ATP11A: variants seen among roughly 807,000 people sequenced by gnomAD.
ATP11A encodes ATPase phospholipid transporting 11A.
In ATP11A, 81 loss-of-function variants were observed where a neutral mutation model predicts 154.4. The observed-to-expected ratio is 0.52, with a 90% CI of 0.44 to 0.63. ATP11A has a LOEUF of 0.63. ATP11A is among the 30% of genes least tolerant of loss of function. The probability of loss-of-function intolerance (pLI) is 0.00; values close to 1 mark genes in which losing one functional copy is unlikely to be tolerated. For missense variants in ATP11A, 1,316 were observed against 1,474.3 expected, an observed-to-expected ratio of 0.89 and a Z score of 1.76; for synonymous variants, 623 against 585.9, an observed-to-expected ratio of 1.06 and a Z score of -0.91.
chr13:112,702,069 G>T (rs1886615807), intron 1 of ATP11A, among the ~76,000 whole-genome samples: 1 of 151,982 alleles, frequency 6.6e-6, no homozygotes, highest in South Asian at 2.1e-4. Flanking sequence ...AGTACAGCCT[G>T]GTGCGATGGG....
chr13:112,813,481 G>A (rs1483962655), intron 5 of ATP11A, among the ~76,000 whole-genome samples: 1 of 152,182 alleles, frequency 6.6e-6, no homozygotes, highest in Non-Finnish European at 1.5e-5. Flanking sequence ...TCCATGATGG[G>A]GGCGTACTGC....
Position 112,825,521 on chromosome 13 carries a change from C to T in ATP11A, c.964C>T (p.Pro322Ser), listed in dbSNP as rs1047705502. The T allele has an allele frequency of 1.9e-6, 3 of 1,613,768 alleles. No individual in the cohort carries two copies. The African/African-American group carries it at 4.0e-5, about 22-fold the overall frequency. ...GCTGAAATACATGTGGCAGAGTGAG[C>T]CCTTTCGGGATGAGCCGTGGTATAA... ...TVLKYMWQSE[P>S]FRDEPWYNQK... Residue 322 changes from proline (P) to serine (S), a missense_variant, in exon 11 of 30, where the codon CCC becomes TCC. Coordinates refer to ENST00000375645, the MANE Select transcript of ATP11A (RefSeq NM_015205.3).
intron 18 of ATP11A, among the ~76,000 whole-genome samples, chr13:112,853,753 C>T (rs2140333164): frequency 6.6e-6 from 1 of 152,306 alleles, no homozygotes; most frequent in South Asian, 2.1e-4. Flanking sequence ...CCCATGGCAC[C>T]TGTTGGCCAT....
Position 112,836,079 on chromosome 13 carries a change from G to T in ATP11A, c.1632-99G>T, listed in dbSNP as rs2079226630. The stretch of plus-strand genomic sequence containing the variant: ...GTGTGTCCCCTGAGGAAGGGCCAGG[G>T]CTGCCCCAGCCATTCTGCTGTGGAG... On this transcript the variant is annotated intron_variant, in intron 15 of 29. Coordinates refer to ENST00000375645, the MANE Select transcript of ATP11A (RefSeq NM_015205.3). 9 of 837,756 alleles carry T rather than the reference G, an allele frequency of 1.1e-5. No individual in the cohort carries two copies. In the East Asian group the frequency reaches 2.0e-4, roughly 19 times the overall value. The allele number at this position is 837,756 out of a possible 1,614,324, so 51.9% of individuals were successfully genotyped here.
chr13:112,762,879 C>T (rs2139886233), intron 1 of ATP11A, among the ~76,000 whole-genome samples: 1 of 152,380 alleles, frequency 6.6e-6, no homozygotes, highest in Non-Finnish European at 1.5e-5. Context: ...ACAGGCCTTC[C>T]TCGCCGTGCG....
intron 25 of ATP11A, among the ~76,000 whole-genome samples, chr13:112,863,066 A>G (rs1343830888): frequency 1.1e-3 from 133 of 122,050 alleles, no homozygotes; most frequent in African/African-American, 2.6e-3. Flanking sequence ...GCTTCCCAGC[A>G]GGGTCCATCA....
At chr13:112,854,145 CCA>C in intron 18 of ATP11A, 132 bp from the exon 19 acceptor site, 2 of 1,199,808 alleles carry the variant, frequency 1.7e-6, no homozygotes, top group Non-Finnish European at 2.3e-6. Context: ...AGATCATGAG[CCA>C]CAGTGTGGAG....
At chr13:112,823,224 C>T in intron 8 of ATP11A, 121 bp from the exon 9 acceptor site, 1 of 745,132 alleles carries the variant, frequency 1.3e-6, no homozygotes, top group Non-Finnish European at 2.4e-6. Context: ...TCCGTGTATG[C>T]CATCTCCTCT....
At chr13:112,765,728 G>T (rs1025280922) in intron 1 of ATP11A, among the ~76,000 whole-genome samples, 5 of 152,254 alleles carry the variant, frequency 3.3e-5, no homozygotes, top group African/African-American at 1.2e-4. Context: ...GTTAGTGTGG[G>T]GAAATGTCTC....
At chr13:112,726,141 G>C (rs1035409558) in intron 1 of ATP11A, among the ~76,000 whole-genome samples, 2 of 152,276 alleles carry the variant, frequency 1.3e-5, no homozygotes, top group Non-Finnish European at 2.9e-5. Flanking sequence ...CCGGGGATGG[G>C]GCACGGCGTG....
At chr13:112,872,271 C>G (rs774303377) in intron 26 of ATP11A, among the ~76,000 whole-genome samples, 3 of 152,156 alleles carry the variant, frequency 2.0e-5, no homozygotes, top group Non-Finnish European at 4.4e-5. Context: ...CAAAACATTC[C>G]TAAGGTGATT....
intron 1 of ATP11A, among the ~76,000 whole-genome samples, chr13:112,760,041 C>G (rs541835841): frequency 6.6e-6 from 1 of 152,136 alleles, no homozygotes; most frequent in Non-Finnish European, 1.5e-5. Flanking sequence ...GCAGATGCAG[C>G]TTGGGGCTTA....
intron 1 of ATP11A, among the ~76,000 whole-genome samples, chr13:112,780,621 G>C (rs894093834): frequency 6.6e-6 from 1 of 152,120 alleles, no homozygotes; most frequent in Admixed American, 6.5e-5. Context: ...TCCAGGAGTC[G>C]CTCGAGATGT....
At chr13:112,728,790 C>T (rs1394291894) in intron 1 of ATP11A, among the ~76,000 whole-genome samples, 2 of 151,978 alleles carry the variant, frequency 1.3e-5, no homozygotes, top group African/African-American at 2.4e-5. Flanking sequence ...TCCTCTTCTC[C>T]TTGTCTATCT....
chr13:112,759,876 C>T (rs2076925814), intron 1 of ATP11A, among the ~76,000 whole-genome samples: 4 of 152,124 alleles, frequency 2.6e-5, no homozygotes, highest in African/African-American at 9.7e-5. Flanking sequence ...AGGTTATTCG[C>T]ACAAGTTATG....
chr13:112,866,387 G>A (rs1325444312), intron 25 of ATP11A, among the ~76,000 whole-genome samples: 1 of 152,112 alleles, frequency 6.6e-6, no homozygotes, highest in Non-Finnish European at 1.5e-5. Context: ...CGGTTGCCAT[G>A]TCAGGGTGGC....
At chr13:112,763,662 T>C (rs2077011519) in intron 1 of ATP11A, among the ~76,000 whole-genome samples, 2 of 152,278 alleles carry the variant, frequency 1.3e-5, no homozygotes, top group South Asian at 4.1e-4. Flanking sequence ...ATCCTCTACA[T>C]GGAGGAACCT....
intron 1 of ATP11A, among the ~76,000 whole-genome samples, chr13:112,780,861 G>T (rs1457938555): frequency 6.6e-6 from 1 of 152,126 alleles, no homozygotes; most frequent in Non-Finnish European, 1.5e-5. Flanking sequence ...CCGTGGGTGG[G>T]TTCTGCTGCG....
In ATP11A at chr13:112,878,198, C is replaced by T. The variant is rs747399303; in HGVS notation, c.3328-19C>T. ...GTTCACACACCCCTGTGTGCGTGGCCGCTGACCTCGGGACTAAGACTAAGA... is the reference window on the plus strand; with the variant it reads ...GTTCACACACCCCTGTGTGCGTGGCTGCTGACCTCGGGACTAAGACTAAGA... On this transcript the variant is annotated intron_variant, in intron 28 of 29. Transcript: ENST00000375645. 26 of 1,613,022 alleles carry T rather than the reference C, an allele frequency of 1.6e-5. No individual in the cohort carries two copies. The highest frequency in any genetic ancestry group is 6.7e-5 in the African/African-American group (5 of 74,944).
Sources: allele counts gnomAD v4.1 joint callset (sites outside exome capture counted in the v4.1 genomes callset), GRCh38; gene constraint gnomAD v4.1.1; transcripts MANE v1.5; gene names NCBI Gene and HGNC (gene_info 2026-07-23, HGNC 2026-07-21).